PDE7A: variants seen among roughly 807,000 people sequenced by gnomAD.
PDE7A encodes high affinity 3',5'-cyclic-AMP phosphodiesterase 7A.
Under a neutral mutation model 64.3 loss-of-function variants are expected in PDE7A, and 39 were observed. The observed-to-expected ratio is 0.61, with a 90% CI of 0.47 to 0.79. The LOEUF (loss-of-function observed/expected upper bound fraction) is 0.79. PDE7A is among the 30% of genes least tolerant of loss of function. The pLI, the probability that PDE7A is intolerant of heterozygous loss-of-function variation, is 0.00. For synonymous variants in PDE7A, 203 were observed against 206.8 expected (o/e 0.98, Z 0.16); for missense variants, 470 against 582.8 (o/e 0.81, Z 1.99).
intron 1 of PDE7A, among the ~76,000 whole-genome samples, chr8:65,830,368 T>C (rs978048575): frequency 6.6e-6 from 1 of 152,110 alleles, no homozygotes; most frequent in African/African-American, 2.4e-5. Flanking sequence ...ATTTTGATTA[T>C]GGATTATTTT....
chr8:65,724,342 T>C lies in PDE7A; in HGVS notation c.1075A>G (p.Lys359Glu), dbSNP rs756890692. The C allele has an allele frequency of 6.2e-7, 1 of 1,610,558 alleles. No homozygotes were observed. The highest frequency in any genetic ancestry group is 8.5e-7 in the Non-Finnish European group (1 of 1,177,216). The change falls in exon 11 of 13, where the codon AAA (lysine) becomes GAA (glutamate). Residue 359 changes from lysine to glutamate, a missense_variant. Lys to Glu is a moderately conservative substitution (Grantham distance 56). Coordinates refer to ENST00000401827, the MANE Select transcript of PDE7A (RefSeq NM_001242318.3). ...CATGGGTTACAAATATCAGCACATT[T>C]CAAAGCCATCTAGCAAACAAAACAT... ...HRHLVLQMAL[K>E]CADICNPCRT...
rs763831257 is a variant in PDE7A, at chr8:65,726,854, ATT to A, written c.920+19_920+20del. The A allele has an allele frequency of 4.3e-5, 58 of 1,342,190 alleles. No individual in the cohort carries two copies. The highest frequency in any genetic ancestry group is 7.4e-6 in the Non-Finnish European group (7 of 941,540). The allele number at this position is 1,342,190 out of a possible 1,614,324, so 83.1% of individuals were successfully genotyped here. A position where few individuals can be genotyped will look rare whatever the true frequency, so the allele number is the denominator to read the frequency against. Reference sequence around the variant, plus strand: ...ACTTCTATAACCAGTAACAAATTAAATTTGTCTTAATCCAACCTACCTGCTTT... The same window carrying A: ...ACTTCTATAACCAGTAACAAATTAAATGTCTTAATCCAACCTACCTGCTTT... On this transcript the variant is annotated intron_variant, in intron 9 of 12. Transcript: ENST00000401827.
chr8:65,756,574 T>C (rs1585879146), intron 3 of PDE7A, among the ~76,000 whole-genome samples: 3 of 152,322 alleles, frequency 2.0e-5, no homozygotes, highest in African/African-American at 7.2e-5. Context: ...AATTCTAGAA[T>C]TTCTGTTTGG....
intron 3 of PDE7A, among the ~76,000 whole-genome samples, chr8:65,779,071 T>C (rs1159509867): frequency 1.3e-5 from 2 of 152,254 alleles, no homozygotes; most frequent in Admixed American, 6.5e-5. Flanking sequence ...TCTGCCTCAA[T>C]AGCATTCAGA....
chr8:65,725,701 TAAAAC>T (rs966713288), intron 9 of PDE7A: 2 of 152,136 alleles, frequency 1.3e-5, no homozygotes, highest in Non-Finnish European at 2.9e-5. Flanking sequence ...TATTGAATGT[TAAAAC>T]AAACCCTAAA....
intron 1 of PDE7A, among the ~76,000 whole-genome samples, chr8:65,808,154 T>C (rs1585934114): frequency 6.6e-6 from 1 of 152,196 alleles, no homozygotes; most frequent in East Asian, 1.9e-4. Flanking sequence ...AAGACTGGAA[T>C]AGGAACATTC....
In PDE7A at chr8:65,787,426, G is replaced by A. The variant is rs148422120; in HGVS notation, c.139-4583C>T. ...AAAGATGAAGCCCAGCCAAAGTTGT[G>A]AAGTCAATTTCCTCTGACATAGCAA... is the stretch of plus-strand genomic sequence containing the variant. On this transcript the variant is annotated intron_variant, in intron 1 of 12. Transcript: ENST00000401827. Among the ~76,000 whole-genome samples, 153 of 152,254 alleles carry A rather than the reference G, an allele frequency of 1.0e-3. 1 individual carries two copies. The highest frequency in any genetic ancestry group is 1.6e-3 in the Non-Finnish European group (110 of 68,014).
chr8:65,753,555 C>A (rs1225620213), intron 3 of PDE7A, among the ~76,000 whole-genome samples: 2 of 144,796 alleles, frequency 1.4e-5, no homozygotes, highest in Admixed American at 6.8e-5. Context: ...ATTAAGACTT[C>A]TTTGTGTCCT....
intron 11 of PDE7A, 117 bp downstream of exon 11, chr8:65,724,138 C>T: frequency 1.6e-6 from 1 of 613,254 alleles, no homozygotes. Flanking sequence ...TGAATTGTTA[C>T]TAAAAATGTC....
chr8:65,806,070 A>G (rs574137983), intron 1 of PDE7A, among the ~76,000 whole-genome samples: 1 of 152,342 alleles, frequency 6.6e-6, no homozygotes, highest in East Asian at 1.9e-4. Context: ...TTTAGCAACA[A>G]AGATTTTCAT....
chr8:65,841,322 G>A lies in PDE7A; in HGVS notation c.138+49C>T, dbSNP rs775348834. 9.0e-6 allele frequency: 13 copies of A among 1,449,434 alleles called. No homozygotes were observed. The East Asian group carries it at 3.3e-4, about 37-fold the overall frequency. 89.8% of individuals were successfully genotyped at this position (1,449,434 alleles called of 1,614,324 possible). On this transcript the variant is annotated intron_variant, in intron 1 of 12. Transcript: ENST00000401827. The stretch of plus-strand genomic sequence containing the variant: ...GGAGGTGAAGCTGGGTGGGCAGAGG[G>A]AAACAAAAGAGAGAAGCCCTCAAGT...
chr8:65,719,280 G>A lies in PDE7A; in HGVS notation c.*10C>T. 6.2e-7 allele frequency: 1 copy of A among 1,602,080 alleles called. No individual in the cohort carries two copies. Among genetic ancestry groups the A allele is most frequent in the South Asian group, 1.1e-5 (1 of 90,826 alleles). ...CTCCAGGAGGCAGTTTGTCCCACTG[G>A]TTCTGGGGGTTATGATAACCGATTT... On this transcript the variant is annotated 3_prime_UTR_variant, in exon 13 of 13. Transcript: ENST00000401827.
intron 3 of PDE7A, among the ~76,000 whole-genome samples, chr8:65,762,970 CTTTATA>C (rs1808582545): frequency 6.7e-6 from 1 of 148,762 alleles, no homozygotes; most frequent in South Asian, 2.2e-4. Flanking sequence ...GCCTCCATCT[CTTTATA>C]TTTATATAAA....
At chr8:65,817,953 C>T (rs1302491193) in intron 1 of PDE7A, among the ~76,000 whole-genome samples, 1 of 151,938 alleles carries the variant, frequency 6.6e-6, no homozygotes, top group Non-Finnish European at 1.5e-5. Context: ...GGGGTTTCAC[C>T]GTGTTAGCCA....
In PDE7A at chr8:65,727,255, G is replaced by A; in HGVS notation, c.743C>T (p.Ala248Val). 2.5e-6 allele frequency: 4 copies of A among 1,613,568 alleles called. No individual in the cohort carries two copies. The highest frequency in any genetic ancestry group is 3.4e-6 in the Non-Finnish European group (4 of 1,179,572). Residue 248 changes from alanine (A) to valine (V), a missense_variant, in exon 8 of 13, where the codon GCA (alanine) becomes GTA (valine). Physicochemically the swap from Ala to Val is moderately conservative, Grantham distance 64. Transcript: ENST00000401827. The part of the protein sequence containing the change: ...TPWDILLSLI[A>V]AATHDLDHPG... Reference sequence around the variant, plus strand: ...ATGATCCAGATCATGAGTGGCAGCTGCAATTAAGCTCAGCAAGATATCCCA... The same window carrying A: ...ATGATCCAGATCATGAGTGGCAGCTACAATTAAGCTCAGCAAGATATCCCA...
chr8:65,798,206 A>ATATATATATATATATATATATTT, intron 1 of PDE7A, among the ~76,000 whole-genome samples: 8 of 73,806 alleles, frequency 1.1e-4, no homozygotes, highest in East Asian at 7.3e-4. Context: ...ATATATATAT[A>ATATATATATATATATATATATTT]TTTTTTTTTT....
chr8:65,798,200 A>ATTTT (rs1276764898), intron 1 of PDE7A, among the ~76,000 whole-genome samples: 3 of 21,400 alleles, frequency 1.4e-4, no homozygotes, highest in African/African-American at 5.8e-4. Context: ...ATATATATAT[A>ATTTT]TATATATTTT....
At chr8:65,830,401 G>C (rs1350210439) in intron 1 of PDE7A, among the ~76,000 whole-genome samples, 1 of 151,950 alleles carries the variant, frequency 6.6e-6, no homozygotes, top group Non-Finnish European at 1.5e-5. Context: ...ATACAACCTA[G>C]AAGAATGGGT....
chr8:65,744,401 A>G (rs992719159), intron 5 of PDE7A, among the ~76,000 whole-genome samples: 1 of 152,228 alleles, frequency 6.6e-6, no homozygotes, highest in African/African-American at 2.4e-5. Flanking sequence ...ACCAATAATT[A>G]TGCCCACAAT....
Sources: gnomAD v4.1 joint callset for allele counts (sites outside exome capture counted in the v4.1 genomes callset) on GRCh38, gnomAD v4.1.1 for gene constraint, MANE v1.5 for transcripts, NCBI Gene and HGNC (gene_info 2026-07-23, HGNC 2026-07-21) for gene names.